The following GRM5 variants were observed in gnomAD, a reference collection of about 807,000 sequenced individuals.
GRM5 encodes the protein glutamate metabotropic receptor 5.
GRM5 carries 19 observed loss-of-function variants against 83.1 expected under a neutral mutation model. That is an observed-to-expected ratio of 0.23 (90% CI 0.16 to 0.34). The LOEUF is 0.34. Ranked by LOEUF, GRM5 falls within the 10% of genes least tolerant of loss-of-function variation. The pLI is 1.00. For synonymous variants in GRM5, 675 were observed against 633.6 expected (o/e 1.07, Z -0.98); for missense variants, 1,160 against 1,588.3 (o/e 0.73, Z 4.58).
At chr11:88,854,502 C>T (rs1276125426) in intron 2 of GRM5, among the ~76,000 whole-genome samples, 1 of 151,886 alleles carries the variant, frequency 6.6e-6, no homozygotes, top group Non-Finnish European at 1.5e-5. Flanking sequence ...ACTATTTGAC[C>T]TGAATTTCAT....
chr11:88,830,729 T>C (rs1565251536), intron 3 of GRM5, among the ~76,000 whole-genome samples: 1 of 151,720 alleles, frequency 6.6e-6, no homozygotes, highest in Non-Finnish European at 1.5e-5. Flanking sequence ...GAAAGGGAGG[T>C]CACGCTGTGT....
intron 1 of GRM5, among the ~76,000 whole-genome samples, chr11:89,062,498 G>A (rs1942015544): frequency 6.6e-6 from 1 of 152,184 alleles, no homozygotes; most frequent in South Asian, 2.1e-4. Flanking sequence ...TGTAGCGAAT[G>A]GAGAAGAAGG....
intron 2 of GRM5, among the ~76,000 whole-genome samples, chr11:88,898,255 T>C (rs1208818617): frequency 1.3e-5 from 2 of 152,024 alleles, no homozygotes; most frequent in Admixed American, 1.3e-4. Context: ...GGGCCCACAC[T>C]AGTAATGTTT....
At chr11:88,939,565 G>A (rs111895959) in intron 2 of GRM5, among the ~76,000 whole-genome samples, 256 of 151,670 alleles carry the variant, frequency 1.7e-3, no homozygotes, top group African/African-American at 4.9e-3. Context: ...GATATTTACC[G>A]GATAACTCCA....
chr11:88,699,749 CAG>C (rs33951656), intron 3 of GRM5, among the ~76,000 whole-genome samples: 148,244 of 152,250 alleles, frequency 0.97, 72,309 homozygotes, highest in East Asian at 1. Flanking sequence ...GCTGCACGAG[CAG>C]AGTGTCCAGG....
At chr11:88,689,887 A>C (rs577014080) in intron 3 of GRM5, among the ~76,000 whole-genome samples, 1 of 151,880 alleles carries the variant, frequency 6.6e-6, no homozygotes, top group South Asian at 2.1e-4. Flanking sequence ...TGATCTCTTT[A>C]TTCCAAAATT....
chr11:88,523,705 A>T (rs308878), intron 9 of GRM5, among the ~76,000 whole-genome samples: 1 of 151,956 alleles, frequency 6.6e-6, no homozygotes, highest in Non-Finnish European at 1.5e-5. Flanking sequence ...CTTGGCCAGG[A>T]CTGTTGTGAA....
At chr11:88,548,879 A>G (rs11823371) in intron 8 of GRM5, among the ~76,000 whole-genome samples, 6,016 of 152,262 alleles carry the variant, frequency 0.04, 231 homozygotes, top group African/African-American at 0.1. Flanking sequence ...CCCAGCACAT[A>G]TTTATCAGAT....
intron 4 of GRM5, among the ~76,000 whole-genome samples, chr11:88,621,265 A>T (rs1938626911): frequency 6.6e-6 from 1 of 152,202 alleles, no homozygotes; most frequent in Admixed American, 6.5e-5. Context: ...CATCGCCACC[A>T]TTCTTTTCAA....
intron 3 of GRM5, among the ~76,000 whole-genome samples, chr11:88,695,219 A>G (rs1173147865): frequency 1.3e-5 from 2 of 152,234 alleles, no homozygotes; most frequent in Non-Finnish European, 2.9e-5. Context: ...CTGAAATTTA[A>G]TAACCTCTAG....
At chr11:88,757,373 C>A (rs964084533) in intron 3 of GRM5, among the ~76,000 whole-genome samples, 12 of 152,264 alleles carry the variant, frequency 7.9e-5, no homozygotes, top group South Asian at 4.1e-4. Flanking sequence ...GAATGCACTC[C>A]ACCCCACTTC....
At chr11:88,795,310 A>G (rs918871660) in intron 3 of GRM5, among the ~76,000 whole-genome samples, 5 of 152,120 alleles carry the variant, frequency 3.3e-5, no homozygotes, top group African/African-American at 1.2e-4. Flanking sequence ...CAGCCCAGTG[A>G]CCTCCATGCT....
intron 2 of GRM5, among the ~76,000 whole-genome samples, chr11:88,993,819 T>C (rs993431025): frequency 6.6e-6 from 1 of 152,130 alleles, no homozygotes; most frequent in African/African-American, 2.4e-5. Flanking sequence ...GATGCAGTGA[T>C]GAAGTGATCC....
At chr11:88,897,581 T>G (rs1037003991) in intron 2 of GRM5, among the ~76,000 whole-genome samples, 37 of 151,776 alleles carry the variant, frequency 2.4e-4, no homozygotes, top group Non-Finnish European at 5.3e-4. Flanking sequence ...TGAGGGACAT[T>G]TGGTAATTGG....
chr11:88,932,009 T>C (rs1037961206), intron 2 of GRM5, among the ~76,000 whole-genome samples: 1 of 152,092 alleles, frequency 6.6e-6, no homozygotes, highest in Non-Finnish European at 1.5e-5. Context: ...TGACTGTTTT[T>C]AAGATTGACC....
chr11:88,620,543 T>C (rs1228217133), intron 4 of GRM5, among the ~76,000 whole-genome samples: 3 of 152,152 alleles, frequency 2.0e-5, no homozygotes, highest in African/African-American at 7.2e-5. Flanking sequence ...AACAGAGAAA[T>C]GAATGTTGTA....
intron 1 of GRM5, among the ~76,000 whole-genome samples, chr11:89,060,746 G>GT (rs1565356501): frequency 6.6e-6 from 1 of 152,158 alleles, no homozygotes; most frequent in Admixed American, 6.5e-5. Context: ...ATGCCTTAAT[G>GT]TTTTTTAGAA....
chr11:88,656,845 G>A (rs1939778577), intron 3 of GRM5, among the ~76,000 whole-genome samples: 2 of 151,954 alleles, frequency 1.3e-5, no homozygotes, highest in Non-Finnish European at 2.9e-5. Flanking sequence ...GTTATATTAG[G>A]GATAATAATC....
At chr11:88,769,776 G>A (rs6483451) in intron 3 of GRM5, among the ~76,000 whole-genome samples, 109,787 of 151,882 alleles carry the variant, frequency 0.72, 40,106 homozygotes, top group African/African-American at 0.75. Context: ...AAATTAATAA[G>A]TGGAGGACAA....
Sources: allele counts gnomAD v4.1 joint callset (sites outside exome capture counted in the v4.1 genomes callset), GRCh38; gene constraint gnomAD v4.1.1; transcripts MANE v1.5; gene names NCBI Gene and HGNC (gene_info 2026-07-23, HGNC 2026-07-21).